The following PCDHGA11 variants were observed in gnomAD, a reference collection of about 807,000 sequenced individuals.
PCDHGA11 encodes protocadherin gamma subfamily A, 11.
A neutral mutation model predicts 60.4 loss-of-function variants in PCDHGA11; 39 were observed. The ratio of observed to expected loss-of-function variants is 0.65; its 90% CI spans 0.50 to 0.84. The LOEUF (loss-of-function observed/expected upper bound fraction) is 0.84. Among genes scored for constraint, PCDHGA11 ranks in the 40% least tolerant of loss-of-function variants. PCDHGA11 has a pLI of 0.00. For missense variants in PCDHGA11, 1,165 were observed against 1,197.7 expected, an observed-to-expected ratio of 0.97 and a Z score of 0.40; for synonymous variants, 533 against 510.3, an observed-to-expected ratio of 1.04 and a Z score of -0.60.
At chr5:141,459,245 C>G (rs1040972875) in intron 1 of PCDHGA11, among the ~76,000 whole-genome samples, 1 of 152,180 alleles carries the variant, frequency 6.6e-6, no homozygotes, top group African/African-American at 2.4e-5. Context: ...TGCTTCCTGT[C>G]ACTATAAATT....
chr5:141,450,413 T>G (rs549247554), intron 1 of PCDHGA11, among the ~76,000 whole-genome samples: 1 of 152,334 alleles, frequency 6.6e-6, no homozygotes, highest in African/African-American at 2.4e-5. Context: ...GCCATTTGTC[T>G]TGTATAATGC....
chr5:141,507,251 A>G (rs958917337), intron 3 of PCDHGA11: 3 of 152,400 alleles, frequency 2.0e-5, no homozygotes, highest in Non-Finnish European at 4.4e-5. Context: ...TGAATGTCAG[A>G]TAAACAGCAA....
chr5:141,431,225 C>A lies in PCDHGA11; in HGVS notation c.2433+7565C>A. On this transcript the variant is annotated intron_variant, in intron 1 of 3. Coordinates refer to ENST00000398587, the MANE Select transcript of PCDHGA11 (RefSeq NM_018914.3). The surrounding 1 kb of genome is among the most constrained non-coding windows in gnomAD (Gnocchi z 4.8). ...CACTGAGATGCGGTTCCCTCTACCC[C>A]ACGCCTGGGATCCGGATATCGGGAA... The A allele has an allele frequency of 1.2e-6, 2 of 1,614,118 alleles. No individual in the cohort carries two copies. The highest frequency in any genetic ancestry group is 1.7e-6 in the Non-Finnish European group (2 of 1,180,036).
Position 141,422,520 on chromosome 5 carries a change from G to A in PCDHGA11, c.1293G>A (p.Pro431=), listed in dbSNP as rs759529752. The A allele has an allele frequency of 1.9e-6, 3 of 1,613,946 alleles. No homozygotes were observed. The highest frequency in any genetic ancestry group is 2.2e-5 in the South Asian group (2 of 91,078). ...ITLTATDQGS[P]PLSAETHVWL... ...TGACAGCCACAGACCAGGGAAGCCC[G>A]CCTTTGTCTGCAGAAACTCATGTCT... The change falls in exon 1 of 4, where the codon CCG becomes CCA. Residue 431 remains proline (P), a synonymous_variant. Transcript: ENST00000398587.
Position 141,477,932 on chromosome 5 carries a change from C to T in PCDHGA11, c.2434-16875C>T. 1 of 1,614,158 alleles carries T rather than the reference C, an allele frequency of 6.2e-7. No homozygotes were observed. The highest frequency in any genetic ancestry group is 8.5e-7 in the Non-Finnish European group (1 of 1,180,034). ...CGCGGATGCAGGGCACAATGCCTGGCTCTCCTACAGTCTCTTGGGATCCCC... is the reference window on the plus strand; with the variant it reads ...CGCGGATGCAGGGCACAATGCCTGGTTCTCCTACAGTCTCTTGGGATCCCC... On this transcript the variant is annotated intron_variant, in intron 1 of 3. Coordinates refer to ENST00000398587, the MANE Select transcript of PCDHGA11 (RefSeq NM_018914.3). This position sits in a 1 kb window ranked among gnomAD's most constrained non-coding sequence, Gnocchi z 4.9.
At chr5:141,474,143 T>C (rs933805562) in intron 1 of PCDHGA11, among the ~76,000 whole-genome samples, 5 of 152,188 alleles carry the variant, frequency 3.3e-5, no homozygotes, top group Non-Finnish European at 5.9e-5. Flanking sequence ...CAGGCCTTAT[T>C]ATCAAGAAAA....
chr5:141,477,157 C>G lies in PCDHGA11; in HGVS notation c.2434-17650C>G. ...TGGTGGAGGTTGTGGATGTGAATGA[C>G]AACGCCCCGGAGATCACAGTCACCT... is the stretch of plus-strand genomic sequence containing the variant. On this transcript the variant is annotated intron_variant, in intron 1 of 3. Transcript: ENST00000398587. This position sits in a 1 kb window ranked among gnomAD's most constrained non-coding sequence, Gnocchi z 4.9. 1 of 1,614,182 alleles carries G rather than the reference C, an allele frequency of 6.2e-7. No individual in the cohort carries two copies. Among genetic ancestry groups the G allele is most frequent in the Non-Finnish European group, 8.5e-7 (1 of 1,180,038 alleles).
At chr5:141,427,683 G>A (rs761750638) in intron 1 of PCDHGA11, 3 of 836,052 alleles carry the variant, frequency 3.6e-6, no homozygotes, top group South Asian at 2.8e-5. Flanking sequence ...CCTTCCCGGA[G>A]CCTCCATCCC....
At chr5:141,456,695 T>C (rs1264543968) in intron 1 of PCDHGA11, among the ~76,000 whole-genome samples, 2 of 152,136 alleles carry the variant, frequency 1.3e-5, no homozygotes, top group Non-Finnish European at 2.9e-5. Flanking sequence ...CCAGGCGTGG[T>C]GGCTCGCGCC....
In PCDHGA11 at chr5:141,498,877, G is replaced by A. The variant is rs886444261; in HGVS notation, c.2492+4012G>A. ...GAACCCAGGAGGCGGAGGTTGCAGTGAGCTGAGATCACACCACTGCACTCC... is the reference window on the plus strand; with the variant it reads ...GAACCCAGGAGGCGGAGGTTGCAGTAAGCTGAGATCACACCACTGCACTCC... On this transcript the variant is annotated intron_variant, in intron 2 of 3. Coordinates refer to ENST00000398587, the MANE Select transcript of PCDHGA11 (RefSeq NM_018914.3). Among the ~76,000 whole-genome samples, 8 of 149,816 alleles carry A rather than the reference G, an allele frequency of 5.3e-5. No individual in the cohort carries two copies. In the East Asian group the frequency reaches 1.4e-3, roughly 26 times the overall value.
At chr5:141,438,591 CATATATATATATATATATATAT>C (rs946798767) in intron 1 of PCDHGA11, among the ~76,000 whole-genome samples, 1 of 75,562 alleles carries the variant, frequency 1.3e-5, no homozygotes, top group Middle Eastern at 7.4e-3. Context: ...TACATACATA[CATATATATATATATATATATAT>C]ATATATATAT....
intron 3 of PCDHGA11, among the ~76,000 whole-genome samples, chr5:141,509,437 C>T (rs923580110): frequency 2.6e-5 from 4 of 152,104 alleles, no homozygotes; most frequent in African/African-American, 9.7e-5. Context: ...ACTCTTGTTT[C>T]CTCCTCTCCC....
chr5:141,443,827 G>A (rs1425599112), intron 1 of PCDHGA11, among the ~76,000 whole-genome samples: 1 of 152,054 alleles, frequency 6.6e-6, no homozygotes, highest in African/African-American at 2.4e-5. Context: ...ACATAATTAG[G>A]TAAAATGGGT....
At position 141,476,764 on chromosome 5, in the gene PCDHGA11, G is replaced by A. The variant is rs570982273; in HGVS notation, c.2434-18043G>A. 1.2e-6 allele frequency: 2 copies of A among 1,613,794 alleles called. No homozygotes were observed. Reference sequence around the variant, plus strand: ...CTAGTCTCCAGTTAGTGCTGACGGCGTTGGACGGAGGGACCCCAGCTCTCT... The same window carrying A: ...CTAGTCTCCAGTTAGTGCTGACGGCATTGGACGGAGGGACCCCAGCTCTCT... On this transcript the variant is annotated intron_variant, in intron 1 of 3. Coordinates refer to ENST00000398587, the MANE Select transcript of PCDHGA11 (RefSeq NM_018914.3). The surrounding 1 kb of genome is among the most constrained non-coding windows in gnomAD (Gnocchi z 7.6).
rs1409012917 is a variant in PCDHGA11 at position 141,512,928 on chromosome 5, T to A, written c.*1755T>A. On this transcript the variant is annotated 3_prime_UTR_variant, in exon 4 of 4. Transcript: ENST00000398587. ...CAAGTTTTATACTCTAATATTTATA[T>A]GGCTTTTTTTCTTCGACAAAAAAAT... is the stretch of plus-strand genomic sequence containing the variant. 1.3e-5 allele frequency: 2 copies of A among 152,190 alleles called. No individual in the cohort carries two copies. Among genetic ancestry groups the A allele is most frequent in the Non-Finnish European group, 2.9e-5 (2 of 68,044 alleles). The allele number at this position is 152,190 out of a possible 1,614,324, so 9.4% of individuals were successfully genotyped here.
chr5:141,493,935 C>T lies in PCDHGA11; in HGVS notation c.2434-872C>T, dbSNP rs1317863228. Among the ~76,000 whole-genome samples the T allele has an allele frequency of 6.6e-6, 1 of 152,158 alleles. No homozygotes were observed. Among genetic ancestry groups the T allele is most frequent in the Non-Finnish European group, 1.5e-5 (1 of 68,020 alleles). On this transcript the variant is annotated intron_variant, in intron 1 of 3. Coordinates refer to ENST00000398587, the MANE Select transcript of PCDHGA11 (RefSeq NM_018914.3). This position sits in a 1 kb window ranked among gnomAD's most constrained non-coding sequence, Gnocchi z 4.3. Reference sequence around the variant, plus strand: ...TGGGATAACACACCCCCTGGAAAGACCAGAAGGGACTCAGGAATGAAGTGG... The same window carrying T: ...TGGGATAACACACCCCCTGGAAAGATCAGAAGGGACTCAGGAATGAAGTGG...
At chr5:141,427,659 G>A (rs546743297) in intron 1 of PCDHGA11, 3 of 742,336 alleles carry the variant, frequency 4.0e-6, no homozygotes, top group East Asian at 5.3e-5. Context: ...CGTGGTCCAC[G>A]TGGCCGAAAA....
rs1352451042 is a variant in PCDHGA11 at position 141,422,729 on chromosome 5, C to G, written c.1502C>G (p.Pro501Arg). 6.2e-7 allele frequency: 1 copy of G among 1,606,960 alleles called. No homozygotes were observed. The highest frequency in any genetic ancestry group is 1.1e-5 in the South Asian group (1 of 89,642). The change falls in exon 1 of 4, where the codon CCT (proline) becomes CGT (arginine). Residue 501 changes from proline (P) to arginine (R), a missense_variant. Coordinates refer to ENST00000398587, the MANE Select transcript of PCDHGA11 (RefSeq NM_018914.3). ...SLTDDTVQGVPLSSYVSINSN... is the reference protein window; with the variant it reads ...SLTDDTVQGVRLSSYVSINSN... ...ACGGATGACACTGTCCAGGGGGTGC[C>G]TCTGTCCTCCTATGTCTCTATTAAC... is the stretch of plus-strand genomic sequence containing the variant.
intron 1 of PCDHGA11, among the ~76,000 whole-genome samples, chr5:141,469,206 A>T (rs752389937): frequency 6.6e-6 from 1 of 150,920 alleles, no homozygotes; most frequent in African/African-American, 2.4e-5. Flanking sequence ...AGCCTTTTGA[A>T]GTTGAGGCTT....
Sources: allele counts gnomAD v4.1 joint callset (sites outside exome capture counted in the v4.1 genomes callset), GRCh38; gene constraint gnomAD v4.1.1; non-coding constraint Gnocchi (gnomAD v3.1); transcripts MANE v1.5; gene names NCBI Gene and HGNC (gene_info 2026-07-23, HGNC 2026-07-21).